The following RPS6KA2 variants were observed in gnomAD, a reference collection of about 807,000 sequenced individuals.
The protein encoded by RPS6KA2 is ribosomal protein S6 kinase A2, also known as ribosomal protein S6 kinase alpha-2.
A neutral mutation model predicts 91.8 loss-of-function variants in RPS6KA2; 42 were observed. That is an observed-to-expected ratio of 0.46 (90% confidence interval 0.36 to 0.59). The LOEUF (loss-of-function observed/expected upper bound fraction) is 0.59, where lower values mean the gene tolerates loss of function less well. Among genes scored for constraint, RPS6KA2 ranks in the 20% least tolerant of loss-of-function variants. The probability of loss-of-function intolerance (pLI) is 0.00; values close to 1 mark genes in which losing one functional copy is unlikely to be tolerated. For missense variants in RPS6KA2, 798 were observed against 978.5 expected, an observed-to-expected ratio of 0.82 and a Z score of 2.46; for synonymous variants, 414 against 393.6, an observed-to-expected ratio of 1.05 and a Z score of -0.61.
chr6:166,845,968 T>C (rs926523747), intron 2 of RPS6KA2, among the ~76,000 whole-genome samples: 7 of 151,936 alleles, frequency 4.6e-5, no homozygotes, highest in Admixed American at 4.6e-4. Context: ...ATTAGCGAGA[T>C]TAACCAAGAA....
At chr6:166,792,026 G>A (rs182517183) in intron 2 of RPS6KA2, among the ~76,000 whole-genome samples, 694 of 152,078 alleles carry the variant, frequency 4.6e-3, no homozygotes, top group Non-Finnish European at 7.3e-3. Flanking sequence ...GAACAGAACT[G>A]AAGGAGATCG....
chr6:166,642,253 C>T (rs1039479725), intron 2 of RPS6KA2, among the ~76,000 whole-genome samples: 2 of 152,076 alleles, frequency 1.3e-5, no homozygotes, highest in African/African-American at 4.8e-5. Flanking sequence ...ATAATATATG[C>T]GATGTGCTAA....
rs1005995568 is a variant in RPS6KA2 at position 166,862,375 on chromosome 6, C to CG, written c.-206dup. The CG allele has an allele frequency of 1.6e-5, 22 of 1,406,568 alleles. No homozygotes were observed. The African/African-American group carries it at 2.3e-4, about 15-fold the overall frequency. The allele number at this position is 1,406,568 out of a possible 1,614,324, so 87.1% of individuals were successfully genotyped here. On this transcript the variant is annotated 5_prime_UTR_variant, in exon 1 of 22. Transcript: ENST00000503859. ...GCCTGCGCCGGCCGGAGGAGGGACCCGGGGGGCTGCAATATGGCTGCTCGG... is the reference window on the plus strand; with the variant it reads ...GCCTGCGCCGGCCGGAGGAGGGACCCGGGGGGGCTGCAATATGGCTGCTCGG...
intron 1 of RPS6KA2, among the ~76,000 whole-genome samples, chr6:166,569,724 T>C (rs1368014929): frequency 1.3e-5 from 2 of 152,214 alleles, no homozygotes; most frequent in African/African-American, 4.8e-5. Context: ...CTGGGAACTA[T>C]ACTTACTCTG....
At position 166,648,204 on chromosome 6, in the gene RPS6KA2, A is replaced by G. The variant is rs3887616; in HGVS notation, c.124-109420T>C. 1.0e-4 allele frequency among the ~76,000 whole-genome samples: 10 copies of G among 100,188 alleles called. No individual in the cohort carries two copies. The highest frequency in any genetic ancestry group is 3.5e-4 in the South Asian group (1 of 2,832). The allele number at this position is 100,188 out of a possible 152,430, so 65.7% of individuals were successfully genotyped here. A position where few individuals can be genotyped will look rare whatever the true frequency, so the allele number is the denominator to read the frequency against. On this transcript the variant is annotated intron_variant, in intron 2 of 21. Coordinates refer to the RPS6KA2 transcript ENST00000503859. The surrounding 1 kb of genome is among the most constrained non-coding windows in gnomAD (Gnocchi z 4.8). The stretch of plus-strand genomic sequence containing the variant: ...CACATGCACACATGCTCATACACAC[A>G]CTCATGCACACACACGCACATGCGC...
rs1168993237 is a variant in RPS6KA2 at position 166,849,030 on chromosome 6, G to A, written c.123+9170C>T. ...GGATATAATCCAAGACCTTGCCATG[G>A]CCTCGAATCCTGACATCACACTCTT... On this transcript the variant is annotated intron_variant, in intron 2 of 21. Coordinates refer to the RPS6KA2 transcript ENST00000503859. The surrounding 1 kb of genome is among the most constrained non-coding windows in gnomAD (Gnocchi z 4.9). Among the ~76,000 whole-genome samples the A allele has an allele frequency of 6.6e-6, 1 of 152,012 alleles. No homozygotes were observed. The highest frequency in any genetic ancestry group is 2.4e-5 in the African/African-American group (1 of 41,372).
intron 2 of RPS6KA2, among the ~76,000 whole-genome samples, chr6:166,788,220 G>A (rs1778982944): frequency 6.6e-6 from 1 of 152,308 alleles, no homozygotes; most frequent in Admixed American, 6.5e-5. Context: ...AAATGGGAAT[G>A]CTTTTATGCT....
At chr6:166,581,892 G>A (rs1469569420) in intron 1 of RPS6KA2, among the ~76,000 whole-genome samples, 10 of 133,654 alleles carry the variant, frequency 7.5e-5, no homozygotes, top group Non-Finnish European at 1.3e-4. Context: ...GGGAGAGGGC[G>A]GGATGGGGTG....
chr6:166,706,351 A>G (rs1204324457), intron 2 of RPS6KA2, among the ~76,000 whole-genome samples: 1 of 152,262 alleles, frequency 6.6e-6, no homozygotes, highest in African/African-American at 2.4e-5. Context: ...AGAAATGTAA[A>G]TGACTGGCAA....
chr6:166,708,422 C>G (rs1010005495), intron 2 of RPS6KA2, among the ~76,000 whole-genome samples: 6 of 152,204 alleles, frequency 3.9e-5, no homozygotes. Flanking sequence ...TTAACCTGGA[C>G]TTGACACAGA....
intron 2 of RPS6KA2, among the ~76,000 whole-genome samples, chr6:166,536,630 C>T (rs1049071477): frequency 2.6e-5 from 4 of 152,142 alleles, no homozygotes; most frequent in Non-Finnish European, 4.4e-5. Flanking sequence ...CGGACCTAAG[C>T]CTCCCTTCCC....
At chr6:166,470,202 G>A (rs911532293) in intron 10 of RPS6KA2, among the ~76,000 whole-genome samples, 1 of 152,240 alleles carries the variant, frequency 6.6e-6, no homozygotes, top group Non-Finnish European at 1.5e-5. Flanking sequence ...TGCATGTGAC[G>A]GCTGCCTAGC....
intron 2 of RPS6KA2, among the ~76,000 whole-genome samples, chr6:166,793,701 A>AT (rs1339914235): frequency 4.6e-5 from 7 of 152,250 alleles, no homozygotes; most frequent in African/African-American, 1.7e-4. Flanking sequence ...ATAGTGCCAC[A>AT]TATCTACAAC....
chr6:166,540,931 C>T (rs558897150), intron 1 of RPS6KA2, among the ~76,000 whole-genome samples: 38 of 152,276 alleles, frequency 2.5e-4, no homozygotes, highest in African/African-American at 8.7e-4. Context: ...TATCTTTTCC[C>T]GTCATTGACC....
chr6:166,852,729 C>T lies in RPS6KA2; in HGVS notation c.123+5471G>A, dbSNP rs1340823163. On this transcript the variant is annotated intron_variant, in intron 2 of 21. Coordinates refer to the RPS6KA2 transcript ENST00000503859. The surrounding 1 kb of genome is among the most constrained non-coding windows in gnomAD (Gnocchi z 4.1). The stretch of plus-strand genomic sequence containing the variant: ...CGCTGACACGCTCAGGAGCTCATCC[C>T]TGAGCGCCCACAGGCCCCTGGATGT... Among the ~76,000 whole-genome samples, 1 of 152,132 alleles carries T rather than the reference C, an allele frequency of 6.6e-6. No homozygotes were observed. Among genetic ancestry groups the T allele is most frequent in the East Asian group, 1.9e-4 (1 of 5,174 alleles).
rs1227975938 is a variant in RPS6KA2 at position 166,554,394 on chromosome 6, C to T, written c.100-15610G>A. 2.0e-5 allele frequency among the ~76,000 whole-genome samples: 3 copies of T among 152,194 alleles called. No homozygotes were observed. The highest frequency in any genetic ancestry group is 4.4e-5 in the Non-Finnish European group (3 of 68,028). The stretch of plus-strand genomic sequence containing the variant: ...ATGTGATATAAAGCTTAACCTGCCT[C>T]CTTTTGTTGTAAACATTGGATGCAA... On this transcript the variant is annotated intron_variant, in intron 1 of 20. Coordinates refer to ENST00000265678, the MANE Select transcript of RPS6KA2 (RefSeq NM_021135.6). This position sits in a 1 kb window ranked among gnomAD's most constrained non-coding sequence, Gnocchi z 4.3.
In RPS6KA2 at chr6:166,495,118, T is replaced by C. The variant is rs1459693826; in HGVS notation, c.747+3390A>G. Among the ~76,000 whole-genome samples the C allele has an allele frequency of 6.6e-6, 1 of 152,212 alleles. No homozygotes were observed. The highest frequency in any genetic ancestry group is 1.5e-5 in the Non-Finnish European group (1 of 68,038). Reference sequence around the variant, plus strand: ...AAATGAGAATGTGTTTCTGGGACTATTATGTGATCTTGAGCCCGACACTTA... The same window carrying C: ...AAATGAGAATGTGTTTCTGGGACTACTATGTGATCTTGAGCCCGACACTTA... On this transcript the variant is annotated intron_variant, in intron 8 of 20. Coordinates refer to ENST00000265678, the MANE Select transcript of RPS6KA2 (RefSeq NM_021135.6). The surrounding 1 kb of genome is among the most constrained non-coding windows in gnomAD (Gnocchi z 4.4).
At chr6:166,707,329 A>T (rs1414118324) in intron 2 of RPS6KA2, among the ~76,000 whole-genome samples, 6 of 152,228 alleles carry the variant, frequency 3.9e-5, no homozygotes, top group Admixed American at 3.9e-4. Context: ...GGGAGCTCCA[A>T]CCATGTGGCA....
chr6:166,615,696 C>G (rs188864010), intron 1 of RPS6KA2, among the ~76,000 whole-genome samples: 3 of 152,150 alleles, frequency 2.0e-5, no homozygotes, highest in Non-Finnish European at 2.9e-5. Context: ...AATGAGATAC[C>G]GATGGTCTCC....
Sources: allele counts gnomAD v4.1 joint callset (sites outside exome capture counted in the v4.1 genomes callset), GRCh38; gene constraint gnomAD v4.1.1; non-coding constraint Gnocchi (gnomAD v3.1); transcripts MANE v1.5; gene names NCBI Gene and HGNC (gene_info 2026-07-23, HGNC 2026-07-21).